GPBP1L1: variants seen among roughly 807,000 people sequenced by gnomAD.
The protein encoded by GPBP1L1 is vasculin-like protein 1.
In GPBP1L1, 23 loss-of-function variants were observed where a neutral mutation model predicts 52.5. That is an observed-to-expected ratio of 0.44 (90% confidence interval 0.32 to 0.62). The LOEUF (loss-of-function observed/expected upper bound fraction) is 0.62. Among genes scored for constraint, GPBP1L1 ranks in the 20% least tolerant of loss-of-function variants. GPBP1L1 has a pLI of 0.06. For missense variants in GPBP1L1, 596 were observed against 579.3 expected (o/e 1.03, Z -0.30); for synonymous variants, 243 against 203.1 (o/e 1.20, Z -1.67).
chr1:45,664,274 C>T (rs942677033), intron 2 of GPBP1L1, among the ~76,000 whole-genome samples: 3 of 135,740 alleles, frequency 2.2e-5, no homozygotes, highest in Non-Finnish European at 4.8e-5. Flanking sequence ...GAACCGAGAT[C>T]GTTGCCACTG....
intron 12 of GPBP1L1, 120 bp downstream of exon 12, chr1:45,629,454 TCC>T (rs374490837): frequency 3.9e-4 from 46 of 117,614 alleles, no homozygotes; most frequent in African/African-American, 1.6e-3. Context: ...ACTAAGGTAA[TCC>T]CCCCCCCCCC....
In GPBP1L1 at chr1:45,670,787, C is replaced by CTTTT. The variant is rs1157864588; in HGVS notation, c.-1097-9566_-1097-9563dup. Reference sequence around the variant, plus strand: ...ATATTTCTACACTACTACCATATGTCTTTTTTTTTTTTTTTTTTTTTGTGA... The same window carrying CTTTT: ...ATATTTCTACACTACTACCATATGTCTTTTTTTTTTTTTTTTTTTTTTTTTGTGA... On this transcript the variant is annotated intron_variant, in intron 2 of 12. Coordinates refer to ENST00000355105, the MANE Select transcript of GPBP1L1 (RefSeq NM_021639.5). Among the ~76,000 whole-genome samples, 141 of 111,114 alleles carry CTTTT rather than the reference C, an allele frequency of 1.3e-3. 1 individual carries two copies. Among genetic ancestry groups the CTTTT allele is most frequent in the African/African-American group, 1.5e-3 (44 of 29,142 alleles). The allele number at this position is 111,114 out of a possible 152,430, so 72.9% of individuals were successfully genotyped here. A position where few individuals can be genotyped will look rare whatever the true frequency, so the allele number is the denominator to read the frequency against.
In GPBP1L1 at chr1:45,634,427, T is replaced by C. The variant is rs138371156; in HGVS notation, c.745-191A>G. On this transcript the variant is annotated intron_variant, in intron 8 of 12. Transcript: ENST00000355105. ...ACTTCAAGGAAAATGGTAGATGGGATACAGAAGAGCCATTGGACATTAATA... is the reference window on the plus strand; with the variant it reads ...ACTTCAAGGAAAATGGTAGATGGGACACAGAAGAGCCATTGGACATTAATA... 1,274 of 491,974 alleles carry C rather than the reference T, an allele frequency of 2.6e-3. 14 individuals are homozygous for C. The highest frequency in any genetic ancestry group is 0.017 in the Admixed American group (512 of 30,728). 30.5% of individuals were successfully genotyped at this position (491,974 alleles called of 1,614,324 possible). A position where few individuals can be genotyped will look rare whatever the true frequency, so the allele number is the denominator to read the frequency against.
At chr1:45,673,463 C>T (rs1259474674) in intron 2 of GPBP1L1, among the ~76,000 whole-genome samples, 1 of 152,150 alleles carries the variant, frequency 6.6e-6, no homozygotes, top group Non-Finnish European at 1.5e-5. Flanking sequence ...TGACCCATAC[C>T]CAATTCCCCA....
chr1:45,640,413 A>G lies in GPBP1L1; in HGVS notation c.551-10T>C. On this transcript the variant is annotated splice_polypyrimidine_tract_variant and intron_variant, in intron 7 of 12. Transcript: ENST00000355105. ...GCACTAGGCGGGTTTTCTGTGAAGTACAAGAGTGGAGAGACAACAGAATGT... is the reference window on the plus strand; with the variant it reads ...GCACTAGGCGGGTTTTCTGTGAAGTGCAAGAGTGGAGAGACAACAGAATGT... The G allele has an allele frequency of 3.7e-6, 6 of 1,609,116 alleles. No individual in the cohort carries two copies. The highest frequency in any genetic ancestry group is 2.2e-5 in the East Asian group (1 of 44,882).
chr1:45,631,618 C>A (rs1644531923), intron 10 of GPBP1L1, among the ~76,000 whole-genome samples: 1 of 152,158 alleles, frequency 6.6e-6, no homozygotes, highest in Admixed American at 6.5e-5. Context: ...CTTTGCAAAA[C>A]ACTCTGTCAA....
chr1:45,637,546 T>TTTTTTTTTTTTTTTTTTTTTTTTTTG (rs1644611866), intron 8 of GPBP1L1, among the ~76,000 whole-genome samples: 1 of 152,072 alleles, frequency 6.6e-6, no homozygotes, highest in Non-Finnish European at 1.5e-5. Flanking sequence ...TATATTAGTT[T>TTTTTTTTTTTTTTTTTTTTTTTTTTG]TCCAATCTTC....
chr1:45,651,772 C>T (rs936089559), intron 6 of GPBP1L1: 4 of 316,532 alleles, frequency 1.3e-5, no homozygotes, highest in Admixed American at 4.8e-5. Context: ...TGCTTCTTGA[C>T]GACAGCAGGG....
chr1:45,684,932 T>C (rs1267960978), intron 2 of GPBP1L1, among the ~76,000 whole-genome samples: 1 of 152,164 alleles, frequency 6.6e-6, no homozygotes, highest in Non-Finnish European at 1.5e-5. Context: ...ATTTCAAAGT[T>C]CTCATTCACA....
intron 6 of GPBP1L1, among the ~76,000 whole-genome samples, chr1:45,649,051 CAA>C (rs1212939687): frequency 3.3e-5 from 5 of 152,142 alleles, no homozygotes; most frequent in Admixed American, 3.3e-4. Context: ...GTGCAGGAAA[CAA>C]AAGTTTTCAC....
chr1:45,676,097 G>C (rs1237859338), intron 2 of GPBP1L1, among the ~76,000 whole-genome samples: 3 of 152,074 alleles, frequency 2.0e-5, no homozygotes, highest in Non-Finnish European at 4.4e-5. Flanking sequence ...AGGGTTATTA[G>C]TGCCTTGCTT....
intron 12 of GPBP1L1, among the ~76,000 whole-genome samples, chr1:45,629,035 C>A (rs979515337): frequency 9.2e-5 from 14 of 152,204 alleles, no homozygotes; most frequent in African/African-American, 3.4e-4. Context: ...CTTTTAAGGA[C>A]TTGGCCAATT....
chr1:45,686,685 C>G (rs1050462903), upstream of GPBP1L1: 1 of 152,292 alleles, frequency 6.6e-6, no homozygotes, highest in African/African-American at 2.4e-5. Context: ...CTCCCGGACG[C>G]CAGTTCCCTA....
chr1:45,651,599 G>T, intron 6 of GPBP1L1: 1 of 669,266 alleles, frequency 1.5e-6, no homozygotes, highest in Non-Finnish European at 2.7e-6. Flanking sequence ...AATCGCAGGA[G>T]GCATTTTCAG....
Position 45,628,147 on chromosome 1 carries a change from T to C in GPBP1L1, c.*109A>G. The C allele has an allele frequency of 2.9e-6, 3 of 1,039,414 alleles. No homozygotes were observed. The highest frequency in any genetic ancestry group is 4.8e-5 in the East Asian group (2 of 41,966). 64.4% of individuals were successfully genotyped at this position (1,039,414 alleles called of 1,614,324 possible). A position where few individuals can be genotyped will look rare whatever the true frequency, so the allele number is the denominator to read the frequency against. ...CTTTGGGATATGATTATTTCCCTTGTGAATGAAGTATTCAACAACATAAGA... is the reference window on the plus strand; with the variant it reads ...CTTTGGGATATGATTATTTCCCTTGCGAATGAAGTATTCAACAACATAAGA... On this transcript the variant is annotated 3_prime_UTR_variant, in exon 13 of 13. Coordinates refer to ENST00000355105, the MANE Select transcript of GPBP1L1 (RefSeq NM_021639.5).
At chr1:45,674,648 T>G (rs554638381) in intron 2 of GPBP1L1, among the ~76,000 whole-genome samples, 81 of 152,344 alleles carry the variant, frequency 5.3e-4, no homozygotes, top group Non-Finnish European at 1.0e-3. Context: ...CGTGTGATGC[T>G]GGGCAGTGCC....
At chr1:45,678,347 G>A (rs367837542) in intron 2 of GPBP1L1, among the ~76,000 whole-genome samples, 3 of 152,064 alleles carry the variant, frequency 2.0e-5, no homozygotes, top group Non-Finnish European at 2.9e-5. Context: ...CGATTGATAC[G>A]GGACTGGGAA....
At chr1:45,673,930 A>C (rs898278474) in intron 2 of GPBP1L1, among the ~76,000 whole-genome samples, 1 of 152,172 alleles carries the variant, frequency 6.6e-6, no homozygotes, top group Non-Finnish European at 1.5e-5. Context: ...AAGTCAATGA[A>C]AGCCAGGCAC....
intron 6 of GPBP1L1, chr1:45,651,230 G>A: frequency 9.4e-6 from 4 of 426,496 alleles, no homozygotes; most frequent in South Asian, 7.2e-5. Context: ...GCAACCAGTG[G>A]TGCAGGTCTT....
Sources: allele counts gnomAD v4.1 joint callset (sites outside exome capture counted in the v4.1 genomes callset), GRCh38; gene constraint gnomAD v4.1.1; transcripts MANE v1.5; gene names NCBI Gene and HGNC (gene_info 2026-07-23, HGNC 2026-07-21).